CNTNAP5: variants seen among roughly 807,000 people sequenced by gnomAD.
The protein encoded by CNTNAP5 is contactin associated protein family member 5.
Under a neutral mutation model 150.2 loss-of-function variants are expected in CNTNAP5, and 72 were observed. The observed-to-expected ratio is 0.48, with a 90% CI of 0.40 to 0.58. The LOEUF is 0.58. Ranked by LOEUF, CNTNAP5 falls within the 20% of genes least tolerant of loss-of-function variation. CNTNAP5 has a pLI of 0.00. For missense variants in CNTNAP5, 1,636 were observed against 1,626.2 expected, an observed-to-expected ratio of 1.01 and a Z score of -0.10; for synonymous variants, 672 against 619.8, an observed-to-expected ratio of 1.08 and a Z score of -1.25.
rs115157734 is a variant in CNTNAP5, at chr2:124,095,759, T to G, written c.82+70027T>G. The stretch of plus-strand genomic sequence containing the variant: ...AATTGCCTTGATTTTTTGATTTTAA[T>G]ATGCATCTTTTTTTTTCTTCTATTC... On this transcript the variant is annotated intron_variant, in intron 1 of 23. Transcript: ENST00000682447. Among the ~76,000 whole-genome samples the G allele has an allele frequency of 1.2e-3, 182 of 152,334 alleles. 1 individual carries two copies. Among genetic ancestry groups the G allele is most frequent in the African/African-American group, 4.0e-3 (168 of 41,588 alleles).
rs17011867 is a variant in CNTNAP5 at position 124,685,661 on chromosome 2, C to A, written c.2077+37703C>A. On this transcript the variant is annotated intron_variant, in intron 13 of 23. Transcript: ENST00000682447. Reference sequence around the variant, plus strand: ...TTTTAAAACGAATGCAATTTATTATCTAGGCAGTCTTCTGTGGCAGATTTG... The same window carrying A: ...TTTTAAAACGAATGCAATTTATTATATAGGCAGTCTTCTGTGGCAGATTTG... Among the ~76,000 whole-genome samples, 1,052 of 151,976 alleles carry A rather than the reference C, an allele frequency of 6.9e-3. 11 individuals carry two copies. The highest frequency in any genetic ancestry group is 0.024 in the African/African-American group (1,007 of 41,448).
intron 3 of CNTNAP5, among the ~76,000 whole-genome samples, chr2:124,288,319 T>G (rs1688205206): frequency 6.6e-6 from 1 of 152,200 alleles, no homozygotes; most frequent in South Asian, 2.1e-4. Flanking sequence ...ATTAGCTTTC[T>G]CTGCTCAATT....
intron 1 of CNTNAP5, among the ~76,000 whole-genome samples, chr2:124,124,403 T>C (rs1683637206): frequency 6.6e-6 from 1 of 152,056 alleles, no homozygotes; most frequent in Middle Eastern, 3.2e-3. Flanking sequence ...CCAAGAAATA[T>C]GGGACTATGT....
chr2:124,833,549 A>G (rs748975341), intron 19 of CNTNAP5, among the ~76,000 whole-genome samples: 1 of 152,182 alleles, frequency 6.6e-6, no homozygotes, highest in Non-Finnish European at 1.5e-5. Flanking sequence ...ACTGAAGACT[A>G]AAGATTATGG....
chr2:124,667,280 T>G (rs1183902524), intron 13 of CNTNAP5, among the ~76,000 whole-genome samples: 1 of 152,226 alleles, frequency 6.6e-6, no homozygotes, highest in African/African-American at 2.4e-5. Context: ...GGCTGCTCTG[T>G]GCAATCTCAG....
intron 17 of CNTNAP5, among the ~76,000 whole-genome samples, chr2:124,786,724 G>A (rs1479767094): frequency 1.3e-5 from 2 of 152,060 alleles, no homozygotes; most frequent in African/African-American, 4.8e-5. Flanking sequence ...CAGTGAGAGA[G>A]GAGGATGAGG....
At chr2:124,206,864 T>A (rs1212240314) in intron 1 of CNTNAP5, among the ~76,000 whole-genome samples, 1 of 152,160 alleles carries the variant, frequency 6.6e-6, no homozygotes, top group African/African-American at 2.4e-5. Flanking sequence ...AAGGTAGGAA[T>A]TCCATCAGGG....
intron 5 of CNTNAP5, among the ~76,000 whole-genome samples, chr2:124,441,283 T>G (rs1414738267): frequency 6.6e-6 from 1 of 152,060 alleles, no homozygotes; most frequent in Non-Finnish European, 1.5e-5. Context: ...TATATAGTCT[T>G]CAACAAATAT....
intron 17 of CNTNAP5, among the ~76,000 whole-genome samples, chr2:124,788,573 T>A (rs559406306): frequency 1.3e-5 from 2 of 149,422 alleles, no homozygotes; most frequent in Non-Finnish European, 3.0e-5. Flanking sequence ...TTCTATGTTA[T>A]TTTTTTTCTT....
At chr2:124,741,835 CTCTT>C (rs1398256038) in intron 13 of CNTNAP5, among the ~76,000 whole-genome samples, 3 of 152,086 alleles carry the variant, frequency 2.0e-5, no homozygotes, top group African/African-American at 4.8e-5. Flanking sequence ...CTTATTCTCT[CTCTT>C]TCTTTCTCTC....
intron 19 of CNTNAP5, among the ~76,000 whole-genome samples, chr2:124,831,832 C>A (rs1682722920): frequency 6.6e-6 from 1 of 151,696 alleles, no homozygotes; most frequent in Admixed American, 6.6e-5. Flanking sequence ...TAACAGATTG[C>A]CTAGATTACT....
intron 13 of CNTNAP5, among the ~76,000 whole-genome samples, chr2:124,711,657 C>T (rs1371983513): frequency 6.6e-6 from 1 of 151,990 alleles, no homozygotes; most frequent in African/African-American, 2.4e-5. Context: ...GAAACCCCGT[C>T]TCTACTAAAA....
chr2:124,312,772 A>C (rs1043810843), intron 3 of CNTNAP5, among the ~76,000 whole-genome samples: 1 of 152,226 alleles, frequency 6.6e-6, no homozygotes, highest in South Asian at 2.1e-4. Flanking sequence ...GGGTTTCACC[A>C]TGTTAGCCAG....
chr2:124,303,646 A>C (rs1688616514), intron 3 of CNTNAP5, among the ~76,000 whole-genome samples: 1 of 152,230 alleles, frequency 6.6e-6, no homozygotes, highest in African/African-American at 2.4e-5. Context: ...AGAGTAAAAA[A>C]GGTTTAAAAG....
intron 1 of CNTNAP5, among the ~76,000 whole-genome samples, chr2:124,094,229 C>A (rs1021228798): frequency 1.3e-5 from 2 of 152,194 alleles, no homozygotes; most frequent in Admixed American, 6.5e-5. Flanking sequence ...TTTTAACATG[C>A]AGTAATCAGC....
At chr2:124,592,284 C>T (rs886374521) in intron 11 of CNTNAP5, among the ~76,000 whole-genome samples, 6 of 151,816 alleles carry the variant, frequency 4.0e-5, no homozygotes, top group Admixed American at 3.3e-4. Context: ...TGTAATTTTG[C>T]TAGATATTGC....
At chr2:124,697,212 G>A (rs1679423279) in intron 13 of CNTNAP5, among the ~76,000 whole-genome samples, 1 of 152,138 alleles carries the variant, frequency 6.6e-6, no homozygotes, top group African/African-American at 2.4e-5. Flanking sequence ...GTACATTTGT[G>A]TGGTGCACTT....
Position 124,790,126 on chromosome 2 carries a change from C to A in CNTNAP5, c.2977C>A (p.Pro993Thr), listed in dbSNP as rs1480435549. 5 of 1,610,550 alleles carry A rather than the reference C, an allele frequency of 3.1e-6. No homozygotes were observed. The South Asian group carries it at 4.4e-5, about 14-fold the overall frequency. ...TTGCACCAATTCACCTTATGAAGGG[C>A]CCTTTTGCAAAAAAGGTACCTTAGG... ...CDCTNSPYEG[P>T]FCKKEVSAVF... The change falls in exon 18 of 24, where the codon CCC becomes ACC. Residue 993 changes from proline (P) to threonine (T), a missense_variant. Coordinates refer to ENST00000682447, the MANE Select transcript of CNTNAP5 (RefSeq NM_001367498.1).
chr2:124,662,953 T>C (rs892691587), intron 13 of CNTNAP5, among the ~76,000 whole-genome samples: 9 of 152,228 alleles, frequency 5.9e-5, no homozygotes, highest in African/African-American at 2.2e-4. Context: ...AGGAAAGCTG[T>C]TAACATTAGC....
Sources: allele counts gnomAD v4.1 joint callset (sites outside exome capture counted in the v4.1 genomes callset), GRCh38; gene constraint gnomAD v4.1.1; transcripts MANE v1.5; gene names NCBI Gene and HGNC (gene_info 2026-07-23, HGNC 2026-07-21).